Variants in SRXN1 observed in about 807,000 individuals in gnomAD.
The protein encoded by SRXN1 is sulfiredoxin 1.
In SRXN1, 11 loss-of-function variants were observed where a neutral mutation model predicts 11.0. That is an observed-to-expected ratio of 1.00 (90% confidence interval 0.63 to 1.65). The LOEUF is 1.65. SRXN1 is among the 40% of genes most tolerant of loss of function. SRXN1 has a pLI of 0.00. For synonymous variants in SRXN1, 106 were observed against 92.8 expected (o/e 1.14, Z -0.82); for missense variants, 211 against 194.5 (o/e 1.08, Z -0.50).
chr20:652,825 A>C, intron 1 of SRXN1, 151 bp downstream of exon 1: 12 of 1,228,262 alleles, frequency 9.8e-6, no homozygotes, highest in Non-Finnish European at 1.2e-5. Flanking sequence ...AGAGAGGCCC[A>C]GCTACTTGCT....
In SRXN1 at chr20:653,176, G is replaced by C; in HGVS notation, c.10C>G (p.Arg4Gly). The change falls in exon 1 of 2, where the codon CGT becomes GGT. Residue 4 changes from arginine (R) to glycine (G), a missense_variant. Transcript: ENST00000381962. Reference protein sequence around the residue: MGLRAGGTLGRAGA... With the variant: MGLGAGGTLGRAGA... Reference sequence around the variant, plus strand: ...GCCCTGCCCAGCGTTCCTCCTGCACGCAGCCCCATCGTCGCCGCCGCCGCG... The same window carrying C: ...GCCCTGCCCAGCGTTCCTCCTGCACCCAGCCCCATCGTCGCCGCCGCCGCG... The C allele has an allele frequency of 8.0e-7, 1 of 1,251,392 alleles. No individual in the cohort carries two copies. Among genetic ancestry groups the C allele is most frequent in the Non-Finnish European group, 1.0e-6 (1 of 999,648 alleles). 77.5% of individuals were successfully genotyped at this position (1,251,392 alleles called of 1,614,324 possible).
In SRXN1 at chr20:647,588, A is replaced by C. The variant is rs1243504976; in HGVS notation, c.*1126T>G. 1 of 178,364 alleles carries C rather than the reference A, an allele frequency of 5.6e-6. No individual in the cohort carries two copies. Among genetic ancestry groups the C allele is most frequent in the Non-Finnish European group, 1.2e-5 (1 of 83,600 alleles). The allele number at this position is 178,364 out of a possible 1,614,324, so 11.0% of individuals were successfully genotyped here. ...CCTGAGCTAGCCTGCTGGAGAGGCC[A>C]CATGGAGGAGAACCAAGCAATTCCA... is the stretch of plus-strand genomic sequence containing the variant. On this transcript the variant is annotated 3_prime_UTR_variant, in exon 2 of 2. Transcript: ENST00000381962.
chr20:651,638 C>T (rs1392480804), intron 1 of SRXN1, among the ~76,000 whole-genome samples: 19 of 150,474 alleles, frequency 1.3e-4, no homozygotes, highest in East Asian at 3.9e-4. Flanking sequence ...GAGCCAAGAT[C>T]GTGCCACTGC....
At chr20:649,790 A>G (rs947493255) in intron 1 of SRXN1, among the ~76,000 whole-genome samples, 1 of 151,976 alleles carries the variant, frequency 6.6e-6, no homozygotes, top group Non-Finnish European at 1.5e-5. Context: ...CTTAACAGCT[A>G]TGTGATCTTG....
chr20:652,554 G>A (rs945660573), intron 1 of SRXN1, among the ~76,000 whole-genome samples: 1 of 152,142 alleles, frequency 6.6e-6, no homozygotes, highest in Non-Finnish European at 1.5e-5. Context: ...GTGCTGGGCA[G>A]TGGGGCCCAG....
At position 648,739 on chromosome 20, in the gene SRXN1, C is replaced by G. The variant is rs777100089; in HGVS notation, c.389G>C (p.Gly130Ala). The G allele has an allele frequency of 5.6e-6, 9 of 1,614,122 alleles. No homozygotes were observed. Among genetic ancestry groups the G allele is most frequent in the African/African-American group, 1.3e-5 (1 of 74,954 alleles). Reference protein sequence around the residue: ...STLSDLRVYLGASTPDLQ With the variant: ...STLSDLRVYLAASTPDLQ The stretch of plus-strand genomic sequence containing the variant: ...CTACTGCAAGTCTGGTGTGGATGCT[C>G]CCAGGTACACCCTTAGGTCTGAGAG... The change falls in exon 2 of 2, where the codon GGA becomes GCA. Residue 130 changes from glycine (G) to alanine (A), a missense_variant. Coordinates refer to ENST00000381962, the MANE Select transcript of SRXN1 (RefSeq NM_080725.3).
chr20:647,666 C>G lies in SRXN1; in HGVS notation c.*1048G>C. 3.8e-6 allele frequency: 1 copy of G among 263,326 alleles called. No homozygotes were observed. Among genetic ancestry groups the G allele is most frequent in the South Asian group, 4.3e-5 (1 of 23,142 alleles). The allele number at this position is 263,326 out of a possible 1,614,324, so 16.3% of individuals were successfully genotyped here. On this transcript the variant is annotated 3_prime_UTR_variant, in exon 2 of 2. Transcript: ENST00000381962. Reference sequence around the variant, plus strand: ...GTGAGTAAGGCTATCCTAGACCATCCAGGCCCAGCTGAGGTAACAGCTGAC... The same window carrying G: ...GTGAGTAAGGCTATCCTAGACCATCGAGGCCCAGCTGAGGTAACAGCTGAC...
chr20:652,889 C>A lies in SRXN1; in HGVS notation c.210+87G>T, dbSNP rs1267943173. 4 of 1,307,520 alleles carry A rather than the reference C, an allele frequency of 3.1e-6. No homozygotes were observed. The East Asian group carries it at 1.3e-4, about 41-fold the overall frequency. The allele number at this position is 1,307,520 out of a possible 1,614,324, so 81.0% of individuals were successfully genotyped here. On this transcript the variant is annotated intron_variant, in intron 1 of 1. Coordinates refer to ENST00000381962, the MANE Select transcript of SRXN1 (RefSeq NM_080725.3). ...GGCTGGGCCCGGAACCAGTCCGTCTCGCGTCCATCGCAGCGACCTCCCTCC... is the reference window on the plus strand; with the variant it reads ...GGCTGGGCCCGGAACCAGTCCGTCTAGCGTCCATCGCAGCGACCTCCCTCC...
chr20:648,742 A>G lies in SRXN1; in HGVS notation c.386T>C (p.Leu129Pro), dbSNP rs746184415. The G allele has an allele frequency of 1.9e-6, 3 of 1,614,260 alleles. No homozygotes were observed. In the Admixed American group the frequency reaches 5.0e-5, roughly 27 times the overall value. ...CTGCAAGTCTGGTGTGGATGCTCCC[A>G]GGTACACCCTTAGGTCTGAGAGAGT... ...QSTLSDLRVY[L>P]GASTPDLQ The change falls in exon 2 of 2, where the codon CTG becomes CCG. Residue 129 changes from leucine to proline, a missense_variant. Leu to Pro is a moderately conservative substitution (Grantham distance 98, BLOSUM62 -3). Coordinates refer to ENST00000381962, the MANE Select transcript of SRXN1 (RefSeq NM_080725.3).
Position 652,937 on chromosome 20 carries a change from A to G in SRXN1, c.210+39T>C, listed in dbSNP as rs1215833802. The stretch of plus-strand genomic sequence containing the variant: ...TCCTCCGGCAACCTCCCTCCTCCGA[A>G]GCCCTCCCTCCGGTTGGCTGGACTC... On this transcript the variant is annotated intron_variant, in intron 1 of 1. Transcript: ENST00000381962. 2.9e-6 allele frequency: 4 copies of G among 1,377,862 alleles called. No individual in the cohort carries two copies. In the African/African-American group the frequency reaches 6.0e-5, roughly 21 times the overall value. The allele number at this position is 1,377,862 out of a possible 1,614,324, so 85.4% of individuals were successfully genotyped here.
Position 648,782 on chromosome 20 carries a change from T to C in SRXN1, c.346A>G (p.Lys116Glu). The change falls in exon 2 of 2, where the codon AAG becomes GAG. Residue 116 changes from lysine to glutamate, a missense_variant. Transcript: ENST00000381962. The stretch of plus-strand genomic sequence containing the variant: ...TCTGAGAGAGTGGACTGGACAAGCT[T>C]GGCGGGGATGGTCTCTCGCTGCAGT... The part of the protein sequence containing the change: ...QQLQRETIPA[K>E]LVQSTLSDLR... 6.2e-7 allele frequency: 1 copy of C among 1,614,210 alleles called. No individual in the cohort carries two copies. Among genetic ancestry groups the C allele is most frequent in the Non-Finnish European group, 8.5e-7 (1 of 1,180,030 alleles).
chr20:653,132 C>A lies in SRXN1; in HGVS notation c.54G>T (p.Ala18=). 1 of 1,313,184 alleles carries A rather than the reference C, an allele frequency of 7.6e-7. No individual in the cohort carries two copies. Among genetic ancestry groups the A allele is most frequent in the Non-Finnish European group, 9.6e-7 (1 of 1,036,608 alleles). The allele number at this position is 1,313,184 out of a possible 1,614,324, so 81.3% of individuals were successfully genotyped here. Residue 18 remains alanine, a synonymous_variant, in exon 1 of 2, where the codon GCG becomes GCT. Transcript: ENST00000381962. The part of the protein sequence containing the change: ...TLGRAGAGRG[A]PEGPGPSGGA... ...CGCCGCTCGGCCCGGGCCCCTCGGGCGCCCCCCGACCCGCGCCGGCCCTGC... is the reference window on the plus strand; with the variant it reads ...CGCCGCTCGGCCCGGGCCCCTCGGGAGCCCCCCGACCCGCGCCGGCCCTGC...
rs866813140 is a variant in SRXN1 at position 651,690 on chromosome 20, A to C, written c.210+1286T>G. Among the ~76,000 whole-genome samples, 11 of 152,112 alleles carry C rather than the reference A, an allele frequency of 7.2e-5. No homozygotes were observed. The South Asian group carries it at 1.7e-3, about 23-fold the overall frequency. On this transcript the variant is annotated intron_variant, in intron 1 of 1. Transcript: ENST00000381962. ...CAGACCCAGACAACGTCTTAAAAAAAAAAAAAAAAAGCCAGTGAGATCAGA... is the reference window on the plus strand; with the variant it reads ...CAGACCCAGACAACGTCTTAAAAAACAAAAAAAAAAGCCAGTGAGATCAGA...
chr20:648,795 C>G lies in SRXN1; in HGVS notation c.333G>C (p.Glu111Asp). 1.2e-6 allele frequency: 2 copies of G among 1,614,228 alleles called. No homozygotes were observed. Among genetic ancestry groups the G allele is most frequent in the Non-Finnish European group, 1.7e-6 (2 of 1,180,036 alleles). Reference protein sequence around the residue: ...RYAAYQQLQRETIPAKLVQST... With the variant: ...RYAAYQQLQRDTIPAKLVQST... ...ACTGGACAAGCTTGGCGGGGATGGTCTCTCGCTGCAGTTGCTGGTAGGCCG... is the reference window on the plus strand; with the variant it reads ...ACTGGACAAGCTTGGCGGGGATGGTGTCTCGCTGCAGTTGCTGGTAGGCCG... Residue 111 changes from glutamate (E) to aspartate (D), a missense_variant, in exon 2 of 2, where the codon GAG becomes GAC. Physicochemically the swap from Glu to Asp is conservative, Grantham distance 45. Transcript: ENST00000381962.
Position 653,142 on chromosome 20 carries a change from C to T in SRXN1, c.44G>A (p.Gly15Asp). 2 of 1,276,540 alleles carry T rather than the reference C, an allele frequency of 1.6e-6. No homozygotes were observed. The highest frequency in any genetic ancestry group is 2.6e-5 in the South Asian group (1 of 37,736). 79.1% of individuals were successfully genotyped at this position (1,276,540 alleles called of 1,614,324 possible). A position where few individuals can be genotyped will look rare whatever the true frequency, so the allele number is the denominator to read the frequency against. The change falls in exon 1 of 2, where the codon GGT (glycine) becomes GAT (aspartate). Residue 15 changes from glycine (G) to aspartate (D), a missense_variant. Coordinates refer to ENST00000381962, the MANE Select transcript of SRXN1 (RefSeq NM_080725.3). The part of the protein sequence containing the change: ...AGGTLGRAGA[G>D]RGAPEGPGPS... Reference sequence around the variant, plus strand: ...CCCGGGCCCCTCGGGCGCCCCCCGACCCGCGCCGGCCCTGCCCAGCGTTCC... The same window carrying T: ...CCCGGGCCCCTCGGGCGCCCCCCGATCCGCGCCGGCCCTGCCCAGCGTTCC...
intron 1 of SRXN1, 131 bp from the exon 2 acceptor site, chr20:649,048 T>C: frequency 2.1e-6 from 2 of 957,856 alleles, no homozygotes; most frequent in Non-Finnish European, 3.1e-6. Context: ...CAACTGTTAA[T>C]TATCAGGAAT....
rs1289104167 is a variant in SRXN1 at position 648,459 on chromosome 20, ATC to A, written c.*253_*254del. 1.6e-6 allele frequency: 1 copy of A among 640,672 alleles called. No homozygotes were observed. Among genetic ancestry groups the A allele is most frequent in the Non-Finnish European group, 2.9e-6 (1 of 346,494 alleles). The allele number at this position is 640,672 out of a possible 1,614,324, so 39.7% of individuals were successfully genotyped here. On this transcript the variant is annotated 3_prime_UTR_variant, in exon 2 of 2. Coordinates refer to ENST00000381962, the MANE Select transcript of SRXN1 (RefSeq NM_080725.3). ...CGGCAGCACGTGGCTCTTCAAGCCC[ATC>A]TCTGTTCTCCTTCTCGGTAATGCTT...
chr20:650,571 G>A (rs998286061), intron 1 of SRXN1, among the ~76,000 whole-genome samples: 5 of 152,268 alleles, frequency 3.3e-5, no homozygotes, highest in African/African-American at 1.2e-4. Flanking sequence ...GCTGGTCCAC[G>A]GGTTCTCTCT....
At position 648,319 on chromosome 20, in the gene SRXN1, G is replaced by C. The variant is rs1568638327; in HGVS notation, c.*395C>G. On this transcript the variant is annotated 3_prime_UTR_variant, in exon 2 of 2. Coordinates refer to ENST00000381962, the MANE Select transcript of SRXN1 (RefSeq NM_080725.3). ...ATGCTATGTGGAAAAACAATCTTCT[G>C]TTTGTTTAAACCACTGCAATCAAGG... 2.2e-6 allele frequency: 1 copy of C among 463,464 alleles called. No individual in the cohort carries two copies. The highest frequency in any genetic ancestry group is 4.3e-6 in the Non-Finnish European group (1 of 232,152). 28.7% of individuals were successfully genotyped at this position (463,464 alleles called of 1,614,324 possible).
Sources: gnomAD v4.1 joint callset for allele counts (sites outside exome capture counted in the v4.1 genomes callset) on GRCh38, gnomAD v4.1.1 for gene constraint, MANE v1.5 for transcripts, NCBI Gene and HGNC (gene_info 2026-07-23, HGNC 2026-07-21) for gene names.